The following NEURL4 variants were observed in gnomAD, a reference collection of about 807,000 sequenced individuals.
NEURL4 encodes the protein neuralized-like protein 4.
Under a neutral mutation model 148.0 loss-of-function variants are expected in NEURL4, and 45 were observed. The ratio of observed to expected loss-of-function variants is 0.30; its 90% confidence interval spans 0.24 to 0.39. The LOEUF (loss-of-function observed/expected upper bound fraction) is 0.39, where lower values mean the gene tolerates loss of function less well. NEURL4 is among the 10% of genes least tolerant of loss of function. The pLI, the probability that NEURL4 is intolerant of heterozygous loss-of-function variation, is 1.00. For missense variants in NEURL4, 1,776 were observed against 2,144.0 expected (o/e 0.83, Z 3.39); for synonymous variants, 854 against 869.0 (o/e 0.98, Z 0.30).
chr17:7,329,305 G>T lies in NEURL4; in HGVS notation c.8C>A (p.Ala3Glu). The T allele has an allele frequency of 7.2e-7, 1 of 1,384,164 alleles. No individual in the cohort carries two copies. Among genetic ancestry groups the T allele is most frequent in the Non-Finnish European group, 9.3e-7 (1 of 1,075,534 alleles). The allele number at this position is 1,384,164 out of a possible 1,614,324, so 85.7% of individuals were successfully genotyped here. ...AGAGCCCCCACTCCCACCCGACCCT[G>T]CCGCCATCTCCGCTGACACCGGGGC... MA[A>E]GSGGSGGSGG... Residue 3 changes from alanine to glutamate, a missense_variant, in exon 1 of 29, where the codon GCA becomes GAA. Coordinates refer to ENST00000399464, the MANE Select transcript of NEURL4 (RefSeq NM_032442.3).
chr17:7,326,355 T>C lies in NEURL4; in HGVS notation c.1205-12A>G. ...CATCATGATGGTGCCTGGGTGATAG[T>C]GGACACTTGGGTTCGGGTACGGGGC... On this transcript the variant is annotated splice_polypyrimidine_tract_variant and intron_variant, in intron 5 of 28. Transcript: ENST00000399464. This position sits in a 1 kb window ranked among gnomAD's most constrained non-coding sequence, Gnocchi z 6.0. The C allele has an allele frequency of 1.9e-6, 3 of 1,614,096 alleles. No individual in the cohort carries two copies. The highest frequency in any genetic ancestry group is 2.5e-6 in the Non-Finnish European group (3 of 1,179,992).
In NEURL4 at chr17:7,318,231, A is replaced by C. The variant is rs368354814; in HGVS notation, c.3952+38T>G. ...TGGGCTAGAAGGGTGAGGGTGGGGG[A>C]GTAGGGGCAGGAGCTGGGTCCCTTT... On this transcript the variant is annotated intron_variant, in intron 24 of 28. Transcript: ENST00000399464. The surrounding 1 kb of genome is among the most constrained non-coding windows in gnomAD (Gnocchi z 4.3). 438 of 1,610,432 alleles carry C rather than the reference A, an allele frequency of 2.7e-4. No homozygotes were observed. The highest frequency in any genetic ancestry group is 3.6e-4 in the Non-Finnish European group (424 of 1,176,804).
In NEURL4 at chr17:7,322,992, C is replaced by T. The variant is rs1567620957; in HGVS notation, c.2549G>A (p.Gly850Asp). The T allele has an allele frequency of 1.2e-6, 2 of 1,613,550 alleles. No individual in the cohort carries two copies. The highest frequency in any genetic ancestry group is 2.7e-5 in the African/African-American group (2 of 74,922). ...AKGDLHYFIN[G>D]QDQGAACSGL... ...CGAGCAGGCAGCGCCTTGGTCCTGG[C>T]CGTTGATGAAGTAGTGCAGGTCGCC... Residue 850 changes from glycine (G) to aspartate (D), a missense_variant, in exon 15 of 29, where the codon GGC becomes GAC. Coordinates refer to ENST00000399464, the MANE Select transcript of NEURL4 (RefSeq NM_032442.3). This position sits in a 1 kb window ranked among gnomAD's most constrained non-coding sequence, Gnocchi z 5.5.
At chr17:7,323,610 C>T (rs767730234) in intron 13 of NEURL4, 37 bp downstream of exon 13, 1 of 1,613,824 alleles carries the variant, frequency 6.2e-7, no homozygotes, top group South Asian at 1.1e-5. Context: ...AAGGCACAGA[C>T]ATCCAACAGC....
rs1251439686 is a variant in NEURL4 at position 7,327,949 on chromosome 17, C to G, written c.283-65G>C. ...CCCCCCATTCCACAGGCCACCATAT[C>G]TTCCCACCTCTCAGACAGCTAGCTG... On this transcript the variant is annotated intron_variant, in intron 1 of 28. Coordinates refer to ENST00000399464, the MANE Select transcript of NEURL4 (RefSeq NM_032442.3). This position sits in a 1 kb window ranked among gnomAD's most constrained non-coding sequence, Gnocchi z 6.6. 1.6e-6 allele frequency: 2 copies of G among 1,266,514 alleles called. No individual in the cohort carries two copies. The highest frequency in any genetic ancestry group is 3.0e-5 in the African/African-American group (2 of 66,742). 78.5% of individuals were successfully genotyped at this position (1,266,514 alleles called of 1,614,324 possible). A position where few individuals can be genotyped will look rare whatever the true frequency, so the allele number is the denominator to read the frequency against.
Position 7,329,289 on chromosome 17 carries a change from A to T in NEURL4, c.24T>A (p.Ser8Arg). Reference protein sequence around the residue: MAAGSGGSGGSGGGPGPG... With the variant: MAAGSGGRGGSGGGPGPG... ...GTCCAGGGCCTCCCCCAGAGCCCCCACTCCCACCCGACCCTGCCGCCATCT... is the reference window on the plus strand; with the variant it reads ...GTCCAGGGCCTCCCCCAGAGCCCCCTCTCCCACCCGACCCTGCCGCCATCT... The change falls in exon 1 of 29, where the codon AGT (serine) becomes AGA (arginine). Residue 8 changes from serine (S) to arginine (R), a missense_variant. Transcript: ENST00000399464. The T allele has an allele frequency of 2.4e-6, 2 of 836,974 alleles. No homozygotes were observed. Among genetic ancestry groups the T allele is most frequent in the Non-Finnish European group, 3.0e-6 (2 of 665,502 alleles). The allele number at this position is 836,974 out of a possible 1,614,324, so 51.8% of individuals were successfully genotyped here. A position where few individuals can be genotyped will look rare whatever the true frequency, so the allele number is the denominator to read the frequency against.
chr17:7,319,208 C>A lies in NEURL4; in HGVS notation c.3526G>T (p.Val1176Leu). 2 of 1,609,688 alleles carry A rather than the reference C, an allele frequency of 1.2e-6. No homozygotes were observed. Among genetic ancestry groups the A allele is most frequent in the Non-Finnish European group, 1.7e-6 (2 of 1,177,412 alleles). ...TGTCGGTTTAGGAAATCTATCCGCA[C>A]CTGGGGAAGAAAGAACTACTCCATA... is the stretch of plus-strand genomic sequence containing the variant. Reference protein sequence around the residue: ...QPLVPQLLVQVRIDFLNRQWT... With the variant: ...QPLVPQLLVQLRIDFLNRQWT... Residue 1176 changes from valine to leucine, a missense_variant and splice_region_variant, in exon 22 of 29, where the codon GTG (valine) becomes TTG (leucine). By Grantham distance (32) the Val-to-Leu change is conservative. Coordinates refer to ENST00000399464, the MANE Select transcript of NEURL4 (RefSeq NM_032442.3).
rs747548292 is a variant in NEURL4, at chr17:7,324,098, C to T, written c.2062+10G>A. On this transcript the variant is annotated intron_variant, in intron 11 of 28. Coordinates refer to ENST00000399464, the MANE Select transcript of NEURL4 (RefSeq NM_032442.3). This position sits in a 1 kb window ranked among gnomAD's most constrained non-coding sequence, Gnocchi z 5.9. ...CCTAACCCCCAGCCCCAGCCCAGCC[C>T]GGCCCTCACCCACGTCGTCCACAAT... 7.3e-5 allele frequency: 117 copies of T among 1,611,768 alleles called. No homozygotes were observed. Among genetic ancestry groups the T allele is most frequent in the Non-Finnish European group, 8.3e-5 (98 of 1,179,810 alleles).
At chr17:7,323,153 C>T (rs1368219486) in intron 14 of NEURL4, 30 bp from the exon 15 acceptor site, 1 of 1,598,850 alleles carries the variant, frequency 6.3e-7, no homozygotes, top group South Asian at 1.1e-5. Context: ...GGTGAGTCAG[C>T]CTGCCAACTT....
chr17:7,321,704 G>A lies in NEURL4; in HGVS notation c.2955C>T (p.Pro985=), dbSNP rs754126139. 15 of 1,613,562 alleles carry A rather than the reference G, an allele frequency of 9.3e-6. No homozygotes were observed. Among genetic ancestry groups the A allele is most frequent in the East Asian group, 4.5e-5 (2 of 44,902 alleles). The change falls in exon 18 of 29, where the codon CCC becomes CCT. Residue 985 remains proline (P), a synonymous_variant. Transcript: ENST00000399464. The surrounding 1 kb of genome is among the most constrained non-coding windows in gnomAD (Gnocchi z 6.3). ...LTTLAPGEMG[P]GAGGGGPGLP... ...GCCCTGGGCCACCACCGCCTGCCCC[G>A]GGTCCCATCTCCCCCGGTGCTAGTG...
rs756022987 is a variant in NEURL4 at position 7,321,222 on chromosome 17, C to T, written c.3250G>A (p.Val1084Ile). The change falls in exon 20 of 29, where the codon GTC (valine) becomes ATC (isoleucine). Residue 1084 changes from valine (V) to isoleucine (I), a missense_variant. Physicochemically the swap from Val to Ile is conservative, Grantham distance 29 (BLOSUM62 3). Transcript: ENST00000399464. The surrounding 1 kb of genome is among the most constrained non-coding windows in gnomAD (Gnocchi z 6.3). ...LYGPVRGVSIVSSTRLEESEG... is the reference protein window; with the variant it reads ...LYGPVRGVSIISSTRLEESEG... ...GACTCCTCCAGTCTCGTGGAACTGA[C>T]AATTGACACACCGCGGACTGGCCCG... The T allele has an allele frequency of 1.5e-5, 25 of 1,614,046 alleles. 1 individual carries two copies. The South Asian group carries it at 2.0e-4, about 13-fold the overall frequency.
Position 7,329,254 on chromosome 17 carries a change from C to T in NEURL4, c.59G>A (p.Gly20Asp). The change falls in exon 1 of 29, where the codon GGC (glycine) becomes GAC (aspartate). Residue 20 changes from glycine (G) to aspartate (D), a missense_variant. Physicochemically the swap from Gly to Asp is moderately conservative, Grantham distance 94 (BLOSUM62 -1). Transcript: ENST00000399464. ...GSGGGPGPGP[G>D]GGGGPSGSGS... ...GCTCCCGCTGGGGCCCCCACCCCCG[C>T]CCGGCCCCGGTCCAGGGCCTCCCCC... The T allele has an allele frequency of 1.3e-6, 2 of 1,483,548 alleles. No individual in the cohort carries two copies. Among genetic ancestry groups the T allele is most frequent in the Non-Finnish European group, 1.8e-6 (2 of 1,123,490 alleles). 91.9% of individuals were successfully genotyped at this position (1,483,548 alleles called of 1,614,324 possible). A position where few individuals can be genotyped will look rare whatever the true frequency, so the allele number is the denominator to read the frequency against.
intron 8 of NEURL4, 64 bp downstream of exon 8, chr17:7,325,145 G>GCAC: frequency 6.0e-6 from 5 of 830,658 alleles, no homozygotes; most frequent in Non-Finnish European, 9.0e-6. Flanking sequence ...CCACTTCCTT[G>GCAC]CCCCGCCCCC....
rs943892616 is a variant in NEURL4 at position 7,322,484 on chromosome 17, G to A, written c.2725+251C>T. On this transcript the variant is annotated intron_variant, in intron 16 of 28. Transcript: ENST00000399464. This position sits in a 1 kb window ranked among gnomAD's most constrained non-coding sequence, Gnocchi z 5.5. The stretch of plus-strand genomic sequence containing the variant: ...TGATACCTCTTTTCACCACAGCAAG[G>A]CCCATTTCCAAACCTGGCATGCTCA... Among the ~76,000 whole-genome samples, 1 of 152,102 alleles carries A rather than the reference G, an allele frequency of 6.6e-6. No individual in the cohort carries two copies. Among genetic ancestry groups the A allele is most frequent in the African/African-American group, 2.4e-5 (1 of 41,404 alleles).
Position 7,324,523 on chromosome 17 carries a change from G to A in NEURL4, c.1814-43C>T. 1 of 1,555,108 alleles carries A rather than the reference G, an allele frequency of 6.4e-7. No individual in the cohort carries two copies. The highest frequency in any genetic ancestry group is 8.9e-7 in the Non-Finnish European group (1 of 1,126,466). ...AGGAGGGGACATGAGGGGAAATGCAGGGCTCCTCTCCTTGCCACAGCAGCG... is the reference window on the plus strand; with the variant it reads ...AGGAGGGGACATGAGGGGAAATGCAAGGCTCCTCTCCTTGCCACAGCAGCG... On this transcript the variant is annotated intron_variant, in intron 9 of 28. Coordinates refer to ENST00000399464, the MANE Select transcript of NEURL4 (RefSeq NM_032442.3). The surrounding 1 kb of genome is among the most constrained non-coding windows in gnomAD (Gnocchi z 5.9).
chr17:7,325,877 A>G (rs1597638461), intron 6 of NEURL4, among the ~76,000 whole-genome samples, 164 bp from the exon 7 acceptor site: 2 of 152,264 alleles, frequency 1.3e-5, no homozygotes, highest in East Asian at 3.9e-4. Context: ...CATTTCGTCA[A>G]TGCTCCACGT....
Position 7,325,311 on chromosome 17 carries a change from G to A in NEURL4, c.1529C>T (p.Ala510Val), listed in dbSNP as rs779248496. 4 of 1,612,552 alleles carry A rather than the reference G, an allele frequency of 2.5e-6. No individual in the cohort carries two copies. The highest frequency in any genetic ancestry group is 3.3e-4 in the Middle Eastern group (2 of 6,042). The change falls in exon 8 of 29, where the codon GCT becomes GTT. Residue 510 changes from alanine (A) to valine (V), a missense_variant. Ala to Val is a moderately conservative substitution (Grantham distance 64, BLOSUM62 0). Coordinates refer to ENST00000399464, the MANE Select transcript of NEURL4 (RefSeq NM_032442.3). ...ALSPEGALRR[A>V]APAAQAEPER... ...AGGTTCTGCCTGGGCGGCAGGGGCA[G>A]CACGGCGGAGAGCACCCTCGGGGGA...
chr17:7,318,665 T>C lies in NEURL4; in HGVS notation c.3694A>G (p.Lys1232Glu). ...CACGTGTCCAGATTGGGCCCAAACTTCTCGCAGATCTGGGAGGAGAGACCG... is the reference window on the plus strand; with the variant it reads ...CACGTGTCCAGATTGGGCCCAAACTCCTCGCAGATCTGGGAGGAGAGACCG... Reference protein sequence around the residue: ...VFHNGLKICEKFGPNLDTCPE... With the variant: ...VFHNGLKICEEFGPNLDTCPE... Residue 1232 changes from lysine to glutamate, a missense_variant, in exon 23 of 29, where the codon AAG becomes GAG. Physicochemically the swap from Lys to Glu is moderately conservative, Grantham distance 56. Coordinates refer to ENST00000399464, the MANE Select transcript of NEURL4 (RefSeq NM_032442.3). The surrounding 1 kb of genome is among the most constrained non-coding windows in gnomAD (Gnocchi z 4.3). 1 of 1,607,456 alleles carries C rather than the reference T, an allele frequency of 6.2e-7. No homozygotes were observed. Among genetic ancestry groups the C allele is most frequent in the Non-Finnish European group, 8.5e-7 (1 of 1,176,400 alleles).
At position 7,317,936 on chromosome 17, in the gene NEURL4, C is replaced by T. The variant is rs755435664; in HGVS notation, c.4061-4G>A. ...GGCGGAGGCATGAAATAATCTTCTG[C>T]GGGACAGTGAGTAGCAGGCTTGGTG... On this transcript the variant is annotated splice_region_variant and splice_polypyrimidine_tract_variant and intron_variant, in intron 25 of 28. Coordinates refer to ENST00000399464, the MANE Select transcript of NEURL4 (RefSeq NM_032442.3). 5.6e-6 allele frequency: 9 copies of T among 1,614,038 alleles called. No homozygotes were observed. The highest frequency in any genetic ancestry group is 3.3e-5 in the Admixed American group (2 of 60,008).
Sources: gnomAD v4.1 joint callset for allele counts (sites outside exome capture counted in the v4.1 genomes callset) on GRCh38, gnomAD v4.1.1 for gene constraint, Gnocchi (gnomAD v3.1) non-coding constraint, MANE v1.5 for transcripts, NCBI Gene and HGNC (gene_info 2026-07-23, HGNC 2026-07-21) for gene names.